NRG2: variants seen among roughly 807,000 people sequenced by gnomAD.
NRG2 encodes the protein pro-neuregulin-2, membrane-bound isoform.
NRG2 carries 27 observed loss-of-function variants against 73.9 expected under a neutral mutation model. The observed-to-expected ratio is 0.37, with a 90% confidence interval of 0.27 to 0.50. The LOEUF (loss-of-function observed/expected upper bound fraction) is 0.50. Ranked by LOEUF, NRG2 falls within the 20% of genes least tolerant of loss-of-function variation. The pLI is 0.96. For synonymous variants in NRG2, 532 were observed against 541.0 expected, an observed-to-expected ratio of 0.98 and a Z score of 0.23; for missense variants, 1,126 against 1,210.1, an observed-to-expected ratio of 0.93 and a Z score of 1.03.
In NRG2 at chr5:139,871,691, C is replaced by T. The variant is rs751567977; in HGVS notation, c.1112+30G>A. On this transcript the variant is annotated intron_variant, in intron 4 of 9. Coordinates refer to ENST00000361474, the MANE Select transcript of NRG2 (RefSeq NM_004883.3). Reference sequence around the variant, plus strand: ...CCCAGCATCTCCTACCCTGTTCTTGCTCCCATGCCCACCCCTACTGGTCAC... The same window carrying T: ...CCCAGCATCTCCTACCCTGTTCTTGTTCCCATGCCCACCCCTACTGGTCAC... The T allele has an allele frequency of 5.7e-5, 92 of 1,612,814 alleles. No individual in the cohort carries two copies. In the East Asian group the frequency reaches 2.0e-3, roughly 36 times the overall value.
intron 6 of NRG2, among the ~76,000 whole-genome samples, chr5:139,854,740 G>C (rs893898225): frequency 2.0e-5 from 3 of 152,198 alleles, no homozygotes; most frequent in Non-Finnish European, 4.4e-5. Flanking sequence ...TTGCTTTCCA[G>C]ATAAGAACAG....
chr5:139,870,201 G>A lies in NRG2; in HGVS notation c.1112+1520C>T, dbSNP rs1356409368. On this transcript the variant is annotated intron_variant, in intron 4 of 9. Transcript: ENST00000361474. The surrounding 1 kb of genome is among the most constrained non-coding windows in gnomAD (Gnocchi z 4.4). ...AGTTTCACAGCTAGAATGTTCCCTAGGGTCTGTCATACTAACATGGCAGCC... is the reference window on the plus strand; with the variant it reads ...AGTTTCACAGCTAGAATGTTCCCTAAGGTCTGTCATACTAACATGGCAGCC... Among the ~76,000 whole-genome samples the A allele has an allele frequency of 6.6e-6, 1 of 151,998 alleles. No homozygotes were observed. The highest frequency in any genetic ancestry group is 1.5e-5 in the Non-Finnish European group (1 of 68,022).
At chr5:139,980,161 C>A (rs368163493) in intron 1 of NRG2, among the ~76,000 whole-genome samples, 5 of 152,066 alleles carry the variant, frequency 3.3e-5, no homozygotes, top group African/African-American at 1.2e-4. Context: ...GATGACAGCC[C>A]ATGAAATTCT....
In NRG2 at chr5:139,865,081, C is replaced by G. The variant is rs190217185; in HGVS notation, c.1189+468G>C. ...TCCCCAGGGGGAGACTGTCAGTCACCAGGGAAGAGAAGAAATAGAAGAAAG... is the reference window on the plus strand; with the variant it reads ...TCCCCAGGGGGAGACTGTCAGTCACGAGGGAAGAGAAGAAATAGAAGAAAG... On this transcript the variant is annotated intron_variant, in intron 5 of 9. Transcript: ENST00000361474. The surrounding 1 kb of genome is among the most constrained non-coding windows in gnomAD (Gnocchi z 5.2). The G allele has an allele frequency of 6.3e-7, 1 of 1,584,614 alleles. No individual in the cohort carries two copies. Among genetic ancestry groups the G allele is most frequent in the East Asian group, 2.2e-5 (1 of 44,764 alleles).
Position 139,871,790 on chromosome 5 carries a change from G to C in NRG2, c.1043C>G (p.Thr348Arg). The change falls in exon 4 of 10, where the codon ACA becomes AGA. Residue 348 changes from threonine (T) to arginine (R), a missense_variant. Transcript: ENST00000361474. The stretch of plus-strand genomic sequence containing the variant: ...TCCATTGACGCAATAGGACTTGGCT[G>C]TCTCGTTGCACTTCCGGGCGTGCCC... ...WSGHARKCNETAKSYCVNGGV... is the reference protein window; with the variant it reads ...WSGHARKCNERAKSYCVNGGV... The C allele has an allele frequency of 6.2e-7, 1 of 1,614,160 alleles. No homozygotes were observed. Among genetic ancestry groups the C allele is most frequent in the Non-Finnish European group, 8.5e-7 (1 of 1,180,014 alleles).
chr5:139,987,322 C>T (rs1217482156), intron 1 of NRG2, among the ~76,000 whole-genome samples: 1 of 144,352 alleles, frequency 6.9e-6, no homozygotes, highest in Non-Finnish European at 1.5e-5. Flanking sequence ...GAGCTGAGAT[C>T]GCGCCACTGC....
At chr5:139,934,590 CAT>C (rs1306142411) in intron 1 of NRG2, among the ~76,000 whole-genome samples, 1 of 152,040 alleles carries the variant, frequency 6.6e-6, no homozygotes. Context: ...AAATAGAAAA[CAT>C]AGTCAAATGG....
intron 1 of NRG2, among the ~76,000 whole-genome samples, chr5:139,920,601 G>A (rs1407282575): frequency 4.6e-5 from 7 of 152,154 alleles, no homozygotes; most frequent in African/African-American, 1.7e-4. Context: ...GAGAAGAAAT[G>A]AAGTAGGGGG....
intron 1 of NRG2, among the ~76,000 whole-genome samples, chr5:139,933,588 A>G (rs1233496958): frequency 1.3e-5 from 2 of 152,228 alleles, no homozygotes; most frequent in Non-Finnish European, 2.9e-5. Context: ...TCTTCAAATT[A>G]TATGAAGCAA....
chr5:139,851,812 T>G lies in NRG2; in HGVS notation c.1564A>C (p.Ser522Arg). 1.2e-6 allele frequency: 2 copies of G among 1,614,194 alleles called. No individual in the cohort carries two copies. The highest frequency in any genetic ancestry group is 1.7e-6 in the Non-Finnish European group (2 of 1,180,018). The change falls in exon 9 of 10, where the codon AGC becomes CGC. Residue 522 changes from serine (S) to arginine (R), a missense_variant. Ser to Arg is a moderately radical substitution (Grantham distance 110). Around this residue, in one of 3 missense-constraint regions of NRG2, gnomAD observed 539 missense variants for 703.2 expected, o/e 0.77. Coordinates refer to ENST00000361474, the MANE Select transcript of NRG2 (RefSeq NM_004883.3). This position sits in a 1 kb window ranked among gnomAD's most constrained non-coding sequence, Gnocchi z 4.2. Reference protein sequence around the residue: ...SSHRHESHTWSLERSESLTSD... With the variant: ...SSHRHESHTWRLERSESLTSD... Reference sequence around the variant, plus strand: ...GTCAGGCTCTCAGAACGTTCCAGGCTCCACGTGTGGCTCTCGTGTCTGGGA... The same window carrying G: ...GTCAGGCTCTCAGAACGTTCCAGGCGCCACGTGTGGCTCTCGTGTCTGGGA...
At chr5:139,959,668 G>A (rs530980575) in intron 1 of NRG2, among the ~76,000 whole-genome samples, 4 of 150,936 alleles carry the variant, frequency 2.7e-5, no homozygotes, top group Non-Finnish European at 5.9e-5. Context: ...GGGCCACCGC[G>A]CCTGGCTTTT....
Position 139,871,793 on chromosome 5 carries a change from T to C in NRG2, c.1040A>G (p.Glu347Gly). Residue 347 changes from glutamate (E) to glycine (G), a missense_variant, in exon 4 of 10, where the codon GAG (glutamate) becomes GGG (glycine). Around this residue, in one of 3 missense-constraint regions of NRG2, gnomAD observed 539 missense variants for 703.2 expected, o/e 0.77. Transcript: ENST00000361474. ...ATTGACGCAATAGGACTTGGCTGTC[T>C]CGTTGCACTTCCGGGCGTGCCCCGA... ...SWSGHARKCN[E>G]TAKSYCVNGG... 1 of 1,614,156 alleles carries C rather than the reference T, an allele frequency of 6.2e-7. No homozygotes were observed. The highest frequency in any genetic ancestry group is 1.1e-5 in the South Asian group (1 of 91,076).
intron 1 of NRG2, among the ~76,000 whole-genome samples, chr5:140,000,895 A>G (rs1016655591): frequency 6.6e-6 from 1 of 152,238 alleles, no homozygotes; most frequent in Admixed American, 6.5e-5. Flanking sequence ...CAAAAACGTC[A>G]GTGGCTTCTT....
intron 1 of NRG2, among the ~76,000 whole-genome samples, chr5:140,025,000 C>G (rs1361319235): frequency 6.6e-6 from 1 of 152,168 alleles, no homozygotes; most frequent in African/African-American, 2.4e-5. Flanking sequence ...AAAACAAAAG[C>G]CCAGAATGTA....
intron 1 of NRG2, among the ~76,000 whole-genome samples, chr5:139,889,028 T>C (rs140111915): frequency 2.0e-5 from 3 of 152,324 alleles, no homozygotes; most frequent in East Asian, 1.9e-4. Flanking sequence ...TAAATATTAA[T>C]AATAGCATTT....
chr5:139,871,661 T>G, intron 4 of NRG2, 60 bp downstream of exon 4: 1 of 1,602,390 alleles, frequency 6.2e-7, no homozygotes, highest in Non-Finnish European at 8.5e-7. Context: ...GCCCTCCACT[T>G]CTGACCCAGC....
At position 139,865,061 on chromosome 5, in the gene NRG2, A is replaced by G; in HGVS notation, c.1189+488T>C. 1 of 1,448,324 alleles carries G rather than the reference A, an allele frequency of 6.9e-7. No homozygotes were observed. Among genetic ancestry groups the G allele is most frequent in the Non-Finnish European group, 9.7e-7 (1 of 1,028,852 alleles). The allele number at this position is 1,448,324 out of a possible 1,614,324, so 89.7% of individuals were successfully genotyped here. A position where few individuals can be genotyped will look rare whatever the true frequency, so the allele number is the denominator to read the frequency against. ...GCTAAGCAAGGCCCCATCCCTCCCC[A>G]GGGGGAGACTGTCAGTCACCAGGGA... is the stretch of plus-strand genomic sequence containing the variant. On this transcript the variant is annotated intron_variant, in intron 5 of 9. Transcript: ENST00000361474. The surrounding 1 kb of genome is among the most constrained non-coding windows in gnomAD (Gnocchi z 5.2).
In NRG2 at chr5:139,982,607, C is replaced by G. The variant is rs111657976; in HGVS notation, c.700+59763G>C. 0.011 allele frequency among the ~76,000 whole-genome samples: 1,724 copies of G among 152,286 alleles called. 56 individuals carry two copies. In the South Asian group the frequency reaches 0.12, roughly 10 times the overall value. ...AAGAAAGCCAGCAGAGCGCGTCAGT[C>G]CTAGACAGCGAGTTTCCGGTTCTTT... On this transcript the variant is annotated intron_variant, in intron 1 of 9. Coordinates refer to ENST00000361474, the MANE Select transcript of NRG2 (RefSeq NM_004883.3).
intron 5 of NRG2, among the ~76,000 whole-genome samples, chr5:139,863,225 A>G (rs1257176325): frequency 6.6e-6 from 1 of 152,278 alleles, no homozygotes; most frequent in Admixed American, 6.5e-5. Context: ...TAAGCTCAGC[A>G]GCTGGCATTT....
Sources: allele counts gnomAD v4.1 joint callset (sites outside exome capture counted in the v4.1 genomes callset), GRCh38; gene constraint gnomAD v4.1.1; regional missense constraint gnomAD v4.1.1; non-coding constraint Gnocchi (gnomAD v3.1); transcripts MANE v1.5; gene names NCBI Gene and HGNC (gene_info 2026-07-23, HGNC 2026-07-21).